Variants in SLC25A42 observed in about 807,000 individuals in gnomAD.
The protein encoded by SLC25A42 is mitochondrial coenzyme A transporter SLC25A42.
Under a neutral mutation model 34.7 loss-of-function variants are expected in SLC25A42, and 19 were observed. The ratio of observed to expected loss-of-function variants is 0.55; its 90% confidence interval spans 0.38 to 0.80. The LOEUF is 0.80. Among genes scored for constraint, SLC25A42 ranks in the 30% least tolerant of loss-of-function variants. The pLI is 0.00. For missense variants in SLC25A42, 364 were observed against 441.3 expected (o/e 0.82, Z 1.57); for synonymous variants, 205 against 191.2 (o/e 1.07, Z -0.59).
chr19:19,077,783 A>G (rs1289258438), intron 1 of SLC25A42, among the ~76,000 whole-genome samples: 1 of 152,170 alleles, frequency 6.6e-6, no homozygotes, highest in East Asian at 1.9e-4. Context: ...GCTACTCGGG[A>G]GGCTGAGGCA....
intron 1 of SLC25A42, among the ~76,000 whole-genome samples, chr19:19,066,153 G>A (rs918667734): frequency 3.3e-5 from 5 of 151,738 alleles, no homozygotes; most frequent in East Asian, 1.9e-4. Context: ...CACCACACCC[G>A]GCCTATTATA....
At chr19:19,091,764 C>T (rs1192448928) in intron 1 of SLC25A42, among the ~76,000 whole-genome samples, 1 of 152,116 alleles carries the variant, frequency 6.6e-6, no homozygotes, top group African/African-American at 2.4e-5. Flanking sequence ...ATAATCCCAG[C>T]TATTCAGGAG....
chr19:19,112,463 G>A lies in SLC25A42; in HGVS notation c.*1587G>A, dbSNP rs1336346888. On this transcript the variant is annotated 3_prime_UTR_variant, in exon 8 of 8. Coordinates refer to ENST00000318596, the MANE Select transcript of SLC25A42 (RefSeq NM_178526.5). The surrounding 1 kb of genome is among the most constrained non-coding windows in gnomAD (Gnocchi z 4.3). ...CTTACCCAGCACTTAAACTTGGCAG[G>A]AGAGGCAGGGCAACCCTCACAGGGA... The A allele has an allele frequency of 1.6e-4, 24 of 152,508 alleles. No homozygotes were observed. The East Asian group carries it at 4.4e-3, about 28-fold the overall frequency. 9.4% of individuals were successfully genotyped at this position (152,508 alleles called of 1,614,324 possible).
rs761173709 is a variant in SLC25A42, at chr19:19,107,988, A to C, written c.592A>C (p.Ile198Leu). 1.2e-6 allele frequency: 2 copies of C among 1,612,720 alleles called. No individual in the cohort carries two copies. Among genetic ancestry groups the C allele is most frequent in the Admixed American group, 3.3e-5 (2 of 59,864 alleles). The stretch of plus-strand genomic sequence containing the variant: ...ATTTATGCCCACCGTGCTGGGGGTC[A>C]TTCCCTACGCTGGCCTGAGCTTCTT... ...HGFMPTVLGV[I>L]PYAGLSFFTY... Residue 198 changes from isoleucine (I) to leucine (L), a missense_variant, in exon 7 of 8, where the codon ATT becomes CTT. Coordinates refer to ENST00000318596, the MANE Select transcript of SLC25A42 (RefSeq NM_178526.5).
intron 2 of SLC25A42, among the ~76,000 whole-genome samples, chr19:19,100,671 A>G (rs1012099027): frequency 1.3e-5 from 2 of 152,062 alleles, no homozygotes; most frequent in African/African-American, 4.8e-5. Flanking sequence ...CACCTTCCCA[A>G]TGGGTGGCTG....
intron 2 of SLC25A42, among the ~76,000 whole-genome samples, chr19:19,101,391 C>G (rs1469884597): frequency 6.6e-6 from 1 of 152,152 alleles, no homozygotes; most frequent in Non-Finnish European, 1.5e-5. Context: ...ACCCCCTGAC[C>G]CCAACGGTCC....
intron 4 of SLC25A42, 97 bp from the exon 5 acceptor site, chr19:19,105,464 G>A: frequency 6.9e-7 from 1 of 1,448,446 alleles, no homozygotes; most frequent in Non-Finnish European, 9.4e-7. Context: ...GGTCACCCCG[G>A]CCCCGCCTCC....
intron 1 of SLC25A42, among the ~76,000 whole-genome samples, chr19:19,074,067 G>A (rs1055660594): frequency 6.6e-6 from 1 of 152,208 alleles, no homozygotes; most frequent in African/African-American, 2.4e-5. Flanking sequence ...GTGGAGGAAT[G>A]TGAGTACCAT....
intron 2 of SLC25A42, 49 bp downstream of exon 2, chr19:19,096,254 T>TGGGCCCCCCCCCCCCCCCCCC: frequency 4.8e-6 from 7 of 1,456,540 alleles, no homozygotes; most frequent in Admixed American, 1.8e-5. Flanking sequence ...GGCCCCAGCC[T>TGGGCCCCCCCCCCCCCCCCCC]CCCCACCCCC....
intron 7 of SLC25A42, 63 bp from the exon 8 acceptor site, chr19:19,110,506 A>G: frequency 7.5e-7 from 1 of 1,340,014 alleles, no homozygotes. Flanking sequence ...AGGCGCGCGC[A>G]CGGGTGCGGG....
chr19:19,088,408 G>A (rs748018883), intron 1 of SLC25A42, among the ~76,000 whole-genome samples: 2 of 151,676 alleles, frequency 1.3e-5, no homozygotes, highest in Non-Finnish European at 2.9e-5. Context: ...GGGTTTCAAC[G>A]TGTTAGCCAG....
At chr19:19,102,669 G>A (rs2059804409) in intron 3 of SLC25A42, among the ~76,000 whole-genome samples, 1 of 152,008 alleles carries the variant, frequency 6.6e-6, no homozygotes, top group Non-Finnish European at 1.5e-5. Context: ...GCTTGAACCT[G>A]GGAGGCGGAG....
At chr19:19,090,502 A>G (rs1028803190) in intron 1 of SLC25A42, among the ~76,000 whole-genome samples, 9 of 152,152 alleles carry the variant, frequency 5.9e-5, no homozygotes, top group African/African-American at 2.2e-4. Context: ...GATGAAGATT[A>G]GAGTCATGGG....
chr19:19,107,255 T>A (rs1568525228), intron 6 of SLC25A42, among the ~76,000 whole-genome samples: 3 of 145,150 alleles, frequency 2.1e-5, no homozygotes. Context: ...AGCTTGAGGC[T>A]GCAGTGAGCC....
At chr19:19,086,130 T>A (rs112352943) in intron 1 of SLC25A42, among the ~76,000 whole-genome samples, 4,269 of 152,288 alleles carry the variant, frequency 0.028, 92 homozygotes, top group South Asian at 0.069. Context: ...GCTGGTTTTC[T>A]CCAGGCTTTC....
intron 2 of SLC25A42, among the ~76,000 whole-genome samples, chr19:19,097,635 G>C (rs566366067): frequency 4.5e-4 from 69 of 152,208 alleles, no homozygotes; most frequent in Non-Finnish European, 7.5e-4. Context: ...AGGTGGGAGG[G>C]ACTCACTCTG....
chr19:19,110,902 G>A lies in SLC25A42; in HGVS notation c.*26G>A. The A allele has an allele frequency of 6.2e-7, 1 of 1,611,990 alleles. No homozygotes were observed. Among genetic ancestry groups the A allele is most frequent in the Non-Finnish European group, 8.5e-7 (1 of 1,179,020 alleles). Reference sequence around the variant, plus strand: ...GGGACCCTGAGCTGCTCTCAGGACGGTGGACCGGTGACCCCTTTGTATTCT... The same window carrying A: ...GGGACCCTGAGCTGCTCTCAGGACGATGGACCGGTGACCCCTTTGTATTCT... On this transcript the variant is annotated 3_prime_UTR_variant, in exon 8 of 8. Transcript: ENST00000318596.
At chr19:19,086,520 T>C (rs1338540141) in intron 1 of SLC25A42, among the ~76,000 whole-genome samples, 1 of 152,236 alleles carries the variant, frequency 6.6e-6, no homozygotes, top group Non-Finnish European at 1.5e-5. Flanking sequence ...CCACTCATTG[T>C]AGCATCTGCC....
At chr19:19,094,187 C>T (rs929632795) in intron 1 of SLC25A42, among the ~76,000 whole-genome samples, 2 of 152,204 alleles carry the variant, frequency 1.3e-5, no homozygotes, top group African/African-American at 2.4e-5. Context: ...AGCCGCTAAG[C>T]GCAGCCACAC....
Sources: gnomAD v4.1 joint callset for allele counts (sites outside exome capture counted in the v4.1 genomes callset) on GRCh38, gnomAD v4.1.1 for gene constraint, Gnocchi (gnomAD v3.1) non-coding constraint, MANE v1.5 for transcripts, NCBI Gene and HGNC (gene_info 2026-07-23, HGNC 2026-07-21) for gene names.